FAM53B: variants seen among roughly 807,000 people sequenced by gnomAD.
FAM53B encodes the protein family with sequence similarity 53 member B.
A neutral mutation model predicts 32.7 loss-of-function variants in FAM53B; 12 were observed. That is an observed-to-expected ratio of 0.37 (90% CI 0.24 to 0.59). The LOEUF (loss-of-function observed/expected upper bound fraction) is 0.59. Among genes scored for constraint, FAM53B ranks in the 20% least tolerant of loss-of-function variants. The pLI is 0.72. For synonymous variants in FAM53B, 234 were observed against 228.7 expected (o/e 1.02, Z -0.21); for missense variants, 477 against 577.7 (o/e 0.83, Z 1.79).
chr10:124,737,992 G>C (rs1368205217), intron 1 of FAM53B, among the ~76,000 whole-genome samples: 1 of 152,042 alleles, frequency 6.6e-6, no homozygotes, highest in Non-Finnish European at 1.5e-5. Flanking sequence ...TGGTTCAAAG[G>C]GACTGTGCTG....
At chr10:124,639,409 G>T (rs1055044297) in intron 4 of FAM53B, among the ~76,000 whole-genome samples, 1 of 152,242 alleles carries the variant, frequency 6.6e-6, no homozygotes, top group Non-Finnish European at 1.5e-5. Context: ...AACAGACACA[G>T]AAATAGAAAA....
Position 124,625,607 on chromosome 10 carries a change from C to T in FAM53B, c.907-2003G>A, listed in dbSNP as rs1271077311. ...TCGCCTGCCCCTGGCCAGGCCTGGGCGATGGACCAGCAGCTCCCAAAGCGA... is the reference window on the plus strand; with the variant it reads ...TCGCCTGCCCCTGGCCAGGCCTGGGTGATGGACCAGCAGCTCCCAAAGCGA... On this transcript the variant is annotated intron_variant, in intron 4 of 4. Transcript: ENST00000337318. Among the ~76,000 whole-genome samples the T allele has an allele frequency of 2.6e-5, 4 of 152,176 alleles. No homozygotes were observed. The East Asian group carries it at 5.8e-4, about 22-fold the overall frequency.
intron 4 of FAM53B, among the ~76,000 whole-genome samples, chr10:124,677,123 ACTTTTTAATTGTTG>A (rs1199076016): frequency 6.6e-6 from 1 of 152,172 alleles, no homozygotes; most frequent in Non-Finnish European, 1.5e-5. Context: ...CAATGGGTGA[ACTTTTTAATTGTTG>A]CTTTTTTCTG....
chr10:124,637,322 G>T (rs1949439499), intron 4 of FAM53B, among the ~76,000 whole-genome samples: 1 of 152,188 alleles, frequency 6.6e-6, no homozygotes, highest in African/African-American at 2.4e-5. Context: ...TGGGTGCCTG[G>T]CTTTGGCTCC....
intron 1 of FAM53B, chr10:124,742,808 G>C (rs1950207289): frequency 6.6e-6 from 1 of 152,290 alleles, no homozygotes; most frequent in Admixed American, 6.5e-5. Flanking sequence ...CAGGATCCCA[G>C]ACCCGGAATG....
At chr10:124,660,714 A>T (rs549018916) in intron 4 of FAM53B, among the ~76,000 whole-genome samples, 9 of 152,350 alleles carry the variant, frequency 5.9e-5, no homozygotes, top group African/African-American at 1.9e-4. Context: ...CAAATGGGGA[A>T]ATCGAGACGT....
At chr10:124,626,189 C>T (rs773001728) in intron 4 of FAM53B, among the ~76,000 whole-genome samples, 2 of 152,252 alleles carry the variant, frequency 1.3e-5, no homozygotes, top group African/African-American at 2.4e-5. Context: ...TGGCCTCGCA[C>T]GTGAACGCAG....
intron 1 of FAM53B, among the ~76,000 whole-genome samples, chr10:124,723,326 T>A (rs774090814): frequency 3.9e-5 from 6 of 152,238 alleles, no homozygotes; most frequent in Admixed American, 6.5e-5. Context: ...GATACTGAAA[T>A]CTGTCTTGCT....
intron 4 of FAM53B, among the ~76,000 whole-genome samples, chr10:124,642,244 G>A (rs1949480665): frequency 6.6e-6 from 1 of 152,212 alleles, no homozygotes; most frequent in African/African-American, 2.4e-5. Context: ...AAGCTGCCAT[G>A]CCAGCAGGTC....
chr10:124,702,299 T>C (rs1042835018), intron 2 of FAM53B, among the ~76,000 whole-genome samples: 1 of 152,260 alleles, frequency 6.6e-6, no homozygotes, highest in African/African-American at 2.4e-5. Context: ...CCTGTTGTTA[T>C]CTTGATGGTA....
intron 4 of FAM53B, among the ~76,000 whole-genome samples, chr10:124,634,566 G>A (rs1206379919): frequency 6.6e-6 from 1 of 152,266 alleles, no homozygotes; most frequent in Non-Finnish European, 1.5e-5. Context: ...CTGCCGCCAT[G>A]TGAAGAAGGA....
At chr10:124,740,348 GAA>G (rs1367177685) in intron 1 of FAM53B, among the ~76,000 whole-genome samples, 2 of 152,186 alleles carry the variant, frequency 1.3e-5, no homozygotes, top group African/African-American at 2.4e-5. Flanking sequence ...GTTTGGCAAA[GAA>G]AAATACTTCA....
At chr10:124,677,585 T>TCAGTCAG (rs1949744344) in intron 4 of FAM53B, among the ~76,000 whole-genome samples, 1 of 152,232 alleles carries the variant, frequency 6.6e-6, no homozygotes, top group Admixed American at 6.5e-5. Flanking sequence ...ATTAGGGCTT[T>TCAGTCAG]CCTCGCTACA....
intron 4 of FAM53B, among the ~76,000 whole-genome samples, chr10:124,664,563 C>T (rs1949656585): frequency 6.6e-6 from 1 of 152,218 alleles, no homozygotes; most frequent in Non-Finnish European, 1.5e-5. Flanking sequence ...GAGGGTAGAA[C>T]TCTGCGCAGA....
chr10:124,686,398 T>C (rs749007198), intron 3 of FAM53B, among the ~76,000 whole-genome samples: 6 of 152,238 alleles, frequency 3.9e-5, no homozygotes, highest in Non-Finnish European at 7.3e-5. Context: ...AGTTTTTAAC[T>C]GTGAAGAGAA....
At chr10:124,707,837 G>T (rs563846964) in intron 1 of FAM53B, 23 of 152,204 alleles carry the variant, frequency 1.5e-4, no homozygotes, top group African/African-American at 5.5e-4. Context: ...TCACAGTTTT[G>T]TCATCTTCCC....
At chr10:124,634,413 C>T (rs894964735) in intron 4 of FAM53B, among the ~76,000 whole-genome samples, 51 of 152,330 alleles carry the variant, frequency 3.3e-4, no homozygotes, top group African/African-American at 1.2e-3. Flanking sequence ...ATTGTAGTTC[C>T]CATAATCCCC....
intron 1 of FAM53B, among the ~76,000 whole-genome samples, chr10:124,725,515 C>T (rs11245342): frequency 0.19 from 29,088 of 152,226 alleles, 3,430 homozygotes; most frequent in Non-Finnish European, 0.26. Context: ...GAAGCATTCC[C>T]GAGTACAGGG....
chr10:124,634,367 C>T (rs903573330), intron 4 of FAM53B, among the ~76,000 whole-genome samples: 11 of 152,190 alleles, frequency 7.2e-5, no homozygotes, highest in Non-Finnish European at 1.3e-4. Context: ...CCCACTGATA[C>T]GGTTTGGCTG....
Sources: allele counts gnomAD v4.1 joint callset (sites outside exome capture counted in the v4.1 genomes callset), GRCh38; gene constraint gnomAD v4.1.1; transcripts MANE v1.5; gene names NCBI Gene and HGNC (gene_info 2026-07-23, HGNC 2026-07-21).